ASB3: variants seen among roughly 807,000 people sequenced by gnomAD.
ASB3 encodes the protein ankyrin repeat and SOCS box protein 3.
ASB3 carries 41 observed loss-of-function variants against 54.5 expected under a neutral mutation model. The observed-to-expected ratio is 0.75, with a 90% CI of 0.59 to 0.98. The LOEUF (loss-of-function observed/expected upper bound fraction) is 0.98, where lower values mean the gene tolerates loss of function less well. Among genes scored for constraint, ASB3 ranks in the 50% least tolerant of loss-of-function variants. ASB3 has a pLI of 0.00. For synonymous variants in ASB3, 266 were observed against 221.2 expected (o/e 1.20, Z -1.80); for missense variants, 733 against 620.0 (o/e 1.18, Z -1.94).
chr2:53,678,278 C>T (rs1175104842), intron 9 of ASB3, among the ~76,000 whole-genome samples: 1 of 151,996 alleles, frequency 6.6e-6, no homozygotes, highest in Non-Finnish European at 1.5e-5. Flanking sequence ...AGCTTTATAC[C>T]CTTTGACCTA....
intron 9 of ASB3, among the ~76,000 whole-genome samples, chr2:53,687,420 G>A (rs1037734392): frequency 6.6e-6 from 1 of 152,182 alleles, no homozygotes; most frequent in African/African-American, 2.4e-5. Context: ...CAAATGAAAG[G>A]TCATGTGTCC....
At chr2:53,748,607 C>A (rs1672353494) in intron 3 of ASB3, among the ~76,000 whole-genome samples, 1 of 152,088 alleles carries the variant, frequency 6.6e-6, no homozygotes, top group Admixed American at 6.5e-5. Context: ...CTGTGGTATT[C>A]CTGCCAGAAA....
chr2:53,734,569 A>G (rs1031347442), intron 3 of ASB3, among the ~76,000 whole-genome samples: 2 of 152,196 alleles, frequency 1.3e-5, no homozygotes, highest in Non-Finnish European at 2.9e-5. Context: ...AGACAAAAAT[A>G]CCTGCCTCCA....
At chr2:53,676,178 C>T (rs1202578889) in intron 9 of ASB3, among the ~76,000 whole-genome samples, 1 of 152,128 alleles carries the variant, frequency 6.6e-6, no homozygotes, top group Non-Finnish European at 1.5e-5. Flanking sequence ...TGGTCACTCC[C>T]ACCTCATTAT....
At chr2:53,768,524 A>G (rs1673661266) in intron 1 of ASB3, among the ~76,000 whole-genome samples, 1 of 152,208 alleles carries the variant, frequency 6.6e-6, no homozygotes, top group Admixed American at 6.5e-5. Context: ...ATCTTTCAAA[A>G]GTTTTATTTT....
Position 53,713,288 on chromosome 2 carries a change from TTAAA to T in ASB3, c.980+1092_980+1095del, listed in dbSNP as rs1314343148. 2.0e-5 allele frequency among the ~76,000 whole-genome samples: 3 copies of T among 152,350 alleles called. No individual in the cohort carries two copies. The East Asian group carries it at 5.8e-4, about 29-fold the overall frequency. ...AATAATTTCTTGATAACTACTCAAA[TTAAA>T]TAGAGATTCATAATAGTGAATTCAA... On this transcript the variant is annotated intron_variant, in intron 7 of 9. Transcript: ENST00000263634.
rs555530082 is a variant in ASB3, at chr2:53,783,870, G to GA, written c.-14+2950dup. On this transcript the variant is annotated intron_variant, in intron 1 of 9. Transcript: ENST00000263634. ...AATTAGTTATACCCCTACAAGGTGG[G>GA]AAAAAAATCTATGACAAATGAGGAC... 2.8e-4 allele frequency among the ~76,000 whole-genome samples: 43 copies of GA among 152,218 alleles called. 1 individual carries two copies. Among genetic ancestry groups the GA allele is most frequent in the East Asian group, 1.3e-3 (7 of 5,186 alleles).
chr2:53,752,898 A>G (rs968328450), intron 2 of ASB3, among the ~76,000 whole-genome samples: 23 of 152,210 alleles, frequency 1.5e-4, no homozygotes, highest in African/African-American at 5.5e-4. Context: ...GACCGATGTT[A>G]CATTACAGAA....
chr2:53,768,987 A>G (rs1314644290), intron 1 of ASB3, among the ~76,000 whole-genome samples: 2 of 152,230 alleles, frequency 1.3e-5, no homozygotes, highest in African/African-American at 2.4e-5. Context: ...AAGAACCTGA[A>G]TTAGAAACCA....
In ASB3 at chr2:53,679,104, C is replaced by T. The variant is rs1558511729; in HGVS notation, c.1370-8414G>A. 1.3e-5 allele frequency among the ~76,000 whole-genome samples: 2 copies of T among 152,260 alleles called. 1 individual carries two copies. Among genetic ancestry groups the T allele is most frequent in the South Asian group, 4.1e-4 (2 of 4,824 alleles). ...TCTAGACTGGATTCCATGGGCCCAT[C>T]ACTTCAATTATTTTATCCTCAGTTC... On this transcript the variant is annotated intron_variant, in intron 9 of 9. Transcript: ENST00000263634.
intron 4 of ASB3, 137 bp from the exon 5 acceptor site, chr2:53,728,984 G>A: frequency 1.0e-6 from 1 of 963,358 alleles, no homozygotes; most frequent in Non-Finnish European, 1.5e-6. Flanking sequence ...ACAGTATACT[G>A]CTGTATTAGT....
Position 53,746,208 on chromosome 2 carries a change from T to C in ASB3, c.355+4575A>G, listed in dbSNP as rs1435459721. Reference sequence around the variant, plus strand: ...TACTCAAGAGGCTGAGGCAGGAGGATAACTTGAGCCCAATAGTTTGAGGCT... The same window carrying C: ...TACTCAAGAGGCTGAGGCAGGAGGACAACTTGAGCCCAATAGTTTGAGGCT... On this transcript the variant is annotated intron_variant, in intron 3 of 9. Transcript: ENST00000263634. Among the ~76,000 whole-genome samples, 4 of 152,040 alleles carry C rather than the reference T, an allele frequency of 2.6e-5. No homozygotes were observed. The East Asian group carries it at 7.7e-4, about 29-fold the overall frequency.
At chr2:53,740,403 C>G (rs1170866919) in intron 3 of ASB3, among the ~76,000 whole-genome samples, 1 of 152,112 alleles carries the variant, frequency 6.6e-6, no homozygotes, top group African/African-American at 2.4e-5. Flanking sequence ...TCCATTATTG[C>G]TATGACAAAG....
intron 9 of ASB3, among the ~76,000 whole-genome samples, chr2:53,688,317 T>C (rs1668737589): frequency 6.6e-6 from 1 of 152,178 alleles, no homozygotes; most frequent in Non-Finnish European, 1.5e-5. Context: ...GACACTTGAG[T>C]GTCCCAGGTG....
At chr2:53,690,497 C>A (rs1668855690) in intron 9 of ASB3, among the ~76,000 whole-genome samples, 1 of 152,096 alleles carries the variant, frequency 6.6e-6, no homozygotes, top group Non-Finnish European at 1.5e-5. Context: ...CAAGAAACCA[C>A]AGCTACCAAG....
intron 7 of ASB3, among the ~76,000 whole-genome samples, chr2:53,710,637 C>A (rs1001600433): frequency 2.0e-5 from 3 of 152,192 alleles, no homozygotes; most frequent in Non-Finnish European, 2.9e-5. Flanking sequence ...AGAACACTAG[C>A]TTTTTGGTTT....
chr2:53,740,400 T>C (rs1219920218), intron 3 of ASB3, among the ~76,000 whole-genome samples: 1 of 152,206 alleles, frequency 6.6e-6, no homozygotes, highest in Non-Finnish European at 1.5e-5. Context: ...AACTCCATTA[T>C]TGCTATGACA....
intron 7 of ASB3, among the ~76,000 whole-genome samples, chr2:53,711,289 C>T (rs1311537200): frequency 6.6e-6 from 1 of 152,194 alleles, no homozygotes; most frequent in Non-Finnish European, 1.5e-5. Flanking sequence ...CACAGGGTTC[C>T]ATTTACCTGA....
intron 5 of ASB3, among the ~76,000 whole-genome samples, chr2:53,727,119 T>A (rs982584149): frequency 1.3e-5 from 2 of 152,202 alleles, no homozygotes; most frequent in Non-Finnish European, 2.9e-5. Flanking sequence ...CGAGTCTAGA[T>A]CTTTGACAAG....
Sources: allele counts gnomAD v4.1 joint callset (sites outside exome capture counted in the v4.1 genomes callset), GRCh38; gene constraint gnomAD v4.1.1; transcripts MANE v1.5; gene names NCBI Gene and HGNC (gene_info 2026-07-23, HGNC 2026-07-21).